SLC2A14: variants seen among roughly 807,000 people sequenced by gnomAD.
SLC2A14 encodes the protein solute carrier family 2, facilitated glucose transporter member 14.
A neutral mutation model predicts 43.0 loss-of-function variants in SLC2A14; 13 were observed. That is an observed-to-expected ratio of 0.30 (90% confidence interval 0.20 to 0.48). The LOEUF (loss-of-function observed/expected upper bound fraction) is 0.48. Ranked by LOEUF, SLC2A14 falls within the 20% of genes least tolerant of loss-of-function variation. The pLI is 0.99. For synonymous variants in SLC2A14, 190 were observed against 233.8 expected (o/e 0.81, Z 1.71); for missense variants, 428 against 620.4 (o/e 0.69, Z 3.29).
chr12:7,844,374 C>T (rs1389130964), intron 2 of SLC2A14, among the ~76,000 whole-genome samples: 1 of 152,112 alleles, frequency 6.6e-6, no homozygotes, highest in Non-Finnish European at 1.5e-5. Context: ...ACAACATTTA[C>T]TTATCTATTC....
At position 7,814,242 on chromosome 12, in the gene SLC2A14, C is replaced by T. The variant is rs1863239410; in HGVS notation, c.*74G>A. The T allele has an allele frequency of 6.8e-7, 1 of 1,463,520 alleles. No individual in the cohort carries two copies. The highest frequency in any genetic ancestry group is 9.4e-7 in the Non-Finnish European group (1 of 1,068,140). 90.7% of individuals were successfully genotyped at this position (1,463,520 alleles called of 1,614,324 possible). The stretch of plus-strand genomic sequence containing the variant: ...CATTCAGAAGCAGTCCTGGGTTCAT[C>T]CTGATAAAGTCTCTCCCTTGTTGAG... On this transcript the variant is annotated 3_prime_UTR_variant, in exon 11 of 11. Transcript: ENST00000431042.
intron 2 of SLC2A14, among the ~76,000 whole-genome samples, chr12:7,868,214 TTA>T (rs1417531568): frequency 1.3e-5 from 2 of 152,164 alleles, no homozygotes; most frequent in African/African-American, 4.8e-5. Flanking sequence ...GGCAAAAAGA[TTA>T]TGACATGCTG....
chr12:7,850,676 G>A (rs1402221204), intron 2 of SLC2A14: 1 of 152,244 alleles, frequency 6.6e-6, no homozygotes, highest in African/African-American at 2.4e-5. Flanking sequence ...TTACAGGCGT[G>A]AGCCGCCAGG....
At chr12:7,841,107 G>C (rs925534056) in intron 2 of SLC2A14, among the ~76,000 whole-genome samples, 1 of 152,006 alleles carries the variant, frequency 6.6e-6, no homozygotes, top group Non-Finnish European at 1.5e-5. Context: ...CAAGTGTTTC[G>C]CTTTGTTTTT....
At chr12:7,888,469 A>C (rs1182061619) in intron 1 of SLC2A14, among the ~76,000 whole-genome samples, 1 of 152,068 alleles carries the variant, frequency 6.6e-6, no homozygotes, top group Admixed American at 6.6e-5. Context: ...TGAATTCTAG[A>C]TATATTTTGA....
rs1259938597 is a variant in SLC2A14, at chr12:7,871,764, C to CCCCAA, written c.-58+1042_-58+1043insTTGGG. On this transcript the variant is annotated intron_variant, in intron 1 of 10. Transcript: ENST00000431042. ...GACCCTTAGTCCTGAGATCCAATAC[C>CCCCAA]ATTTCACATGCATCCCCACCCAAAC... The CCCCAA allele has an allele frequency of 1.5e-4, 44 of 292,388 alleles. No individual in the cohort carries two copies. The East Asian group carries it at 5.5e-3, about 37-fold the overall frequency. 18.1% of individuals were successfully genotyped at this position (292,388 alleles called of 1,614,324 possible).
chr12:7,887,065 C>T (rs962492820), intron 1 of SLC2A14, among the ~76,000 whole-genome samples: 2 of 151,868 alleles, frequency 1.3e-5, no homozygotes, highest in African/African-American at 4.8e-5. Context: ...GCACCCACCA[C>T]CACGCCCGGC....
chr12:7,879,977 G>A (rs1016115504), intron 1 of SLC2A14, among the ~76,000 whole-genome samples: 2 of 151,944 alleles, frequency 1.3e-5, no homozygotes, highest in African/African-American at 2.4e-5. Flanking sequence ...CTGCACTCCA[G>A]CCTAGGCCTC....
At chr12:7,823,382 C>A (rs370087058) in intron 7 of SLC2A14, among the ~76,000 whole-genome samples, 39 of 134,100 alleles carry the variant, frequency 2.9e-4, no homozygotes, top group Admixed American at 3.8e-4. Flanking sequence ...GACTCCATAT[C>A]AAAAAAAAAA....
At chr12:7,876,411 T>C (rs2121094486), upstream of SLC2A14, among the ~76,000 whole-genome samples, 1 of 151,932 alleles carries the variant, frequency 6.6e-6, no homozygotes, top group African/African-American at 2.4e-5. Flanking sequence ...GTGAATTTGC[T>C]GGGGCCTTGA....
rs1480427669 is a variant in SLC2A14, at chr12:7,817,915, G to T, written c.1191C>A (p.Gly397=). Residue 397 remains glycine, a synonymous_variant, in exon 10 of 11, where the codon GGC becomes GGA. Transcript: ENST00000431042. ...CCACTGCCATCGCAGCTGGGCGGGGGCCCTGGCTGAAGAGTTCGGCCACAA... is the reference window on the plus strand; with the variant it reads ...CCACTGCCATCGCAGCTGGGCGGGGTCCCTGGCTGAAGAGTTCGGCCACAA... ...WFIVAELFSQ[G]PRPAAMAVAG... 1 of 1,614,204 alleles carries T rather than the reference G, an allele frequency of 6.2e-7. No homozygotes were observed.
At chr12:7,884,187 TG>T (rs894404259) in intron 1 of SLC2A14, among the ~76,000 whole-genome samples, 2 of 152,106 alleles carry the variant, frequency 1.3e-5, no homozygotes, top group African/African-American at 4.8e-5. Flanking sequence ...CCCAAAGTGC[TG>T]GGATTACAGG....
At chr12:7,821,402 G>C (rs1863896639) in intron 7 of SLC2A14, 77 bp from the exon 8 acceptor site, 1 of 1,334,666 alleles carries the variant, frequency 7.5e-7, no homozygotes, top group African/African-American at 1.5e-5. Flanking sequence ...AATACTTAAG[G>C]CTGAGCGTGG....
chr12:7,866,926 C>T (rs1035722929), intron 2 of SLC2A14, among the ~76,000 whole-genome samples: 9 of 151,926 alleles, frequency 5.9e-5, no homozygotes, highest in African/African-American at 2.2e-4. Flanking sequence ...GAGGAAGATG[C>T]CATCTAGGAC....
intron 1 of SLC2A14, chr12:7,871,876 G>T: frequency 7.1e-6 from 7 of 983,992 alleles, no homozygotes; most frequent in Non-Finnish European, 8.4e-6. Flanking sequence ...CACCCACCCA[G>T]AGCAGCCACC....
intron 2 of SLC2A14, among the ~76,000 whole-genome samples, chr12:7,856,980 G>A (rs746142670): frequency 2.0e-5 from 3 of 152,206 alleles, no homozygotes; most frequent in African/African-American, 4.8e-5. Context: ...GGCCAGGCAC[G>A]GTGGCTCACG....
At chr12:7,866,537 A>C (rs1003089839) in intron 2 of SLC2A14, among the ~76,000 whole-genome samples, 1 of 151,736 alleles carries the variant, frequency 6.6e-6, no homozygotes, top group African/African-American at 2.4e-5. Flanking sequence ...GCTAATTTTT[A>C]TATTTTTTAG....
intron 2 of SLC2A14, among the ~76,000 whole-genome samples, chr12:7,842,653 C>A (rs193088138): frequency 9.2e-5 from 14 of 152,014 alleles, no homozygotes; most frequent in African/African-American, 1.9e-4. Flanking sequence ...CCCCTCCCCC[C>A]ACTCACAGGA....
chr12:7,873,704 C>T (rs1945355778), upstream of SLC2A14, among the ~76,000 whole-genome samples: 1 of 151,696 alleles, frequency 6.6e-6, no homozygotes, highest in African/African-American at 2.4e-5. Flanking sequence ...GACTCAGGAG[C>T]TCTTTTTGGA....
Sources: allele counts gnomAD v4.1 joint callset (sites outside exome capture counted in the v4.1 genomes callset), GRCh38; gene constraint gnomAD v4.1.1; transcripts MANE v1.5; gene names NCBI Gene and HGNC (gene_info 2026-07-23, HGNC 2026-07-21).